The following VPS45 variants were observed in gnomAD, a reference collection of about 807,000 sequenced individuals.
VPS45 encodes the protein vacuolar protein sorting 45 homolog, also known as vacuolar protein sorting-associated protein 45.
A neutral mutation model predicts 75.9 loss-of-function variants in VPS45; 35 were observed. The ratio of observed to expected loss-of-function variants is 0.46; its 90% CI spans 0.35 to 0.61. The LOEUF (loss-of-function observed/expected upper bound fraction) is 0.61, where lower values mean the gene tolerates loss of function less well. Ranked by LOEUF, VPS45 falls within the 20% of genes least tolerant of loss-of-function variation. The probability of loss-of-function intolerance (pLI) is 0.00; values close to 1 mark genes in which losing one functional copy is unlikely to be tolerated. For missense variants in VPS45, 559 were observed against 685.9 expected (o/e 0.81, Z 2.07); for synonymous variants, 220 against 238.2 (o/e 0.92, Z 0.70).
intron 2 of VPS45, among the ~76,000 whole-genome samples, chr1:150,070,259 G>GT (rs1654979315): frequency 3.3e-5 from 5 of 152,050 alleles, no homozygotes; most frequent in Admixed American, 3.3e-4. Context: ...TATGATATCT[G>GT]TTTTTTCTCA....
chr1:150,093,567 A>G lies in VPS45; in HGVS notation c.1412A>G (p.His471Arg), dbSNP rs782441436. The change falls in exon 13 of 15, where the codon CAT becomes CGT. Residue 471 changes from histidine (H) to arginine (R), a missense_variant. By Grantham distance (29) the His-to-Arg change is conservative. Coordinates refer to ENST00000644510, the MANE Select transcript of VPS45 (RefSeq NM_007259.5). ...NVYTQHQPFL[H>R]ETLDHLIKGR... ...TATACACAGCATCAACCTTTCCTAC[A>G]TGAAACCCTGGATCATCTCATCAAA... 9 of 1,613,940 alleles carry G rather than the reference A, an allele frequency of 5.6e-6. No individual in the cohort carries two copies. Among genetic ancestry groups the G allele is most frequent in the South Asian group, 2.2e-5 (2 of 91,082 alleles).
At chr1:150,108,605 A>G (rs1036714732) in intron 13 of VPS45, among the ~76,000 whole-genome samples, 4 of 152,180 alleles carry the variant, frequency 2.6e-5, no homozygotes, top group Non-Finnish European at 4.4e-5. Flanking sequence ...TAGCAAGGGA[A>G]AAAATCAAAT....
intron 14 of VPS45, among the ~76,000 whole-genome samples, chr1:150,127,379 C>T (rs1259827287): frequency 6.6e-6 from 1 of 151,346 alleles, no homozygotes; most frequent in East Asian, 1.9e-4. Context: ...TGCAGTGGCA[C>T]ACACACAGCT....
intron 12 of VPS45, 186 bp downstream of exon 12, chr1:150,092,595 C>T (rs782248081): frequency 7.5e-5 from 31 of 413,652 alleles, no homozygotes; most frequent in Non-Finnish European, 1.1e-4. Flanking sequence ...GTCTTAGAGC[C>T]GTATCAACAT....
chr1:150,137,539 T>A (rs1394761580), intron 14 of VPS45, among the ~76,000 whole-genome samples: 1 of 152,198 alleles, frequency 6.6e-6, no homozygotes, highest in African/African-American at 2.4e-5. Context: ...CTACCTCACC[T>A]ACACCGGGAT....
intron 13 of VPS45, among the ~76,000 whole-genome samples, chr1:150,102,990 T>A (rs1384925456): frequency 6.6e-6 from 1 of 152,136 alleles, no homozygotes; most frequent in African/African-American, 2.4e-5. Flanking sequence ...GTAACAAACC[T>A]TCACATGTAC....
intron 13 of VPS45, among the ~76,000 whole-genome samples, chr1:150,101,857 T>G (rs986887433): frequency 6.6e-6 from 1 of 152,112 alleles, no homozygotes; most frequent in Non-Finnish European, 1.5e-5. Context: ...TGGCAGTTCC[T>G]CAAAGATTTA....
intron 13 of VPS45, among the ~76,000 whole-genome samples, chr1:150,098,503 C>G (rs1264203527): frequency 6.6e-6 from 1 of 152,158 alleles, no homozygotes; most frequent in Non-Finnish European, 1.5e-5. Flanking sequence ...CATTCTGGCT[C>G]TGTATTCACT....
At chr1:150,127,296 T>C (rs1553811003) in intron 14 of VPS45, among the ~76,000 whole-genome samples, 1 of 150,674 alleles carries the variant, frequency 6.6e-6, no homozygotes, top group African/African-American at 2.4e-5. Flanking sequence ...ATTTTGTTAA[T>C]TCTCATAATG....
intron 14 of VPS45, among the ~76,000 whole-genome samples, chr1:150,118,098 C>T (rs1658034617): frequency 6.6e-6 from 1 of 151,716 alleles, no homozygotes; most frequent in African/African-American, 2.4e-5. Flanking sequence ...GCCTGCCCAA[C>T]ATGGTGAAAC....
chr1:150,077,323 C>T, intron 6 of VPS45, 92 bp downstream of exon 6: 8 of 1,461,192 alleles, frequency 5.5e-6, no homozygotes, highest in Non-Finnish European at 7.4e-6. Context: ...TATTTACAAC[C>T]AAGGAGATGA....
chr1:150,139,893 T>G (rs1479818189), intron 14 of VPS45, among the ~76,000 whole-genome samples: 4 of 151,398 alleles, frequency 2.6e-5, no homozygotes, highest in African/African-American at 9.7e-5. Flanking sequence ...ATTTTTGTTG[T>G]TGTTGTTGTT....
chr1:150,114,856 C>T (rs1657844471), intron 14 of VPS45, among the ~76,000 whole-genome samples: 1 of 150,442 alleles, frequency 6.6e-6, no homozygotes, highest in South Asian at 2.1e-4. Context: ...CTGCAGTGAG[C>T]CGTGATCATG....
intron 14 of VPS45, among the ~76,000 whole-genome samples, chr1:150,116,123 G>A (rs1011427039): frequency 1.3e-5 from 2 of 152,196 alleles, no homozygotes; most frequent in African/African-American, 4.8e-5. Context: ...GGAAGTGTCA[G>A]TGTGGTTATG....
In VPS45 at chr1:150,137,780, C is replaced by T. The variant is rs587737099; in HGVS notation, c.1626-6929C>T. Among the ~76,000 whole-genome samples, 233 of 151,998 alleles carry T rather than the reference C, an allele frequency of 1.5e-3. 1 individual carries two copies. The highest frequency in any genetic ancestry group is 5.4e-3 in the African/African-American group (225 of 41,450). ...AATATAAAAAATTAGCCAGGCATGGCGGCGTATTTCTGTAGTCCCAGCTAC... is the reference window on the plus strand; with the variant it reads ...AATATAAAAAATTAGCCAGGCATGGTGGCGTATTTCTGTAGTCCCAGCTAC... On this transcript the variant is annotated intron_variant, in intron 14 of 14. Transcript: ENST00000644510.
At chr1:150,142,900 G>A (rs1407799441) in intron 14 of VPS45, 8 of 448,696 alleles carry the variant, frequency 1.8e-5, no homozygotes, top group Admixed American at 2.4e-5. Context: ...CGATCCACCC[G>A]CCTCAGCCTC....
chr1:150,090,331 T>C (rs1656262045), intron 10 of VPS45, among the ~76,000 whole-genome samples: 2 of 152,234 alleles, frequency 1.3e-5, no homozygotes, highest in Admixed American at 1.3e-4. Context: ...CAACCCAATA[T>C]ACTTTCTCTT....
intron 14 of VPS45, among the ~76,000 whole-genome samples, chr1:150,116,567 T>C (rs2101620622): frequency 6.6e-6 from 1 of 152,356 alleles, no homozygotes; most frequent in Admixed American, 6.5e-5. Flanking sequence ...TTTTAACCAC[T>C]ATGCATTTCC....
At chr1:150,067,592 A>G (rs587648231), upstream of VPS45, 1 of 467,602 alleles carries the variant, frequency 2.1e-6, no homozygotes, top group African/African-American at 2.0e-5. Context: ...GGCCTCAGGC[A>G]TCTTCAGGCC....
Sources: gnomAD v4.1 joint callset for allele counts (sites outside exome capture counted in the v4.1 genomes callset) on GRCh38, gnomAD v4.1.1 for gene constraint, MANE v1.5 for transcripts, NCBI Gene and HGNC (gene_info 2026-07-23, HGNC 2026-07-21) for gene names.